The following GPC5 variants were observed in gnomAD, a reference collection of about 807,000 sequenced individuals.
GPC5 encodes the protein glypican-5.
A neutral mutation model predicts 53.9 loss-of-function variants in GPC5; 47 were observed. The ratio of observed to expected loss-of-function variants is 0.87; its 90% CI spans 0.69 to 1.11. GPC5 has a LOEUF of 1.11. GPC5 is among the 50% of genes most tolerant of loss of function. The probability of loss-of-function intolerance (pLI) is 0.00; values close to 1 mark genes in which losing one functional copy is unlikely to be tolerated. For synonymous variants in GPC5, 286 were observed against 263.3 expected (o/e 1.09, Z -0.84); for missense variants, 748 against 713.1 (o/e 1.05, Z -0.56).
chr13:92,386,432 A>G (rs9301802), intron 7 of GPC5, among the ~76,000 whole-genome samples: 8,935 of 152,146 alleles, frequency 0.059, 433 homozygotes, highest in African/African-American at 0.13. Flanking sequence ...CATGAGGTCT[A>G]ACTATAGGGT....
At chr13:91,926,545 C>G (rs1328798170) in intron 6 of GPC5, among the ~76,000 whole-genome samples, 1 of 152,020 alleles carries the variant, frequency 6.6e-6, no homozygotes, top group Non-Finnish European at 1.5e-5. Flanking sequence ...CTCAGTGCCC[C>G]CAGGTACTTG....
At chr13:91,995,967 A>T (rs899386727) in intron 6 of GPC5, 1 of 152,180 alleles carries the variant, frequency 6.6e-6, no homozygotes, top group African/African-American at 2.4e-5. Flanking sequence ...TTGCTCTTAG[A>T]CAAGTGCATT....
At chr13:92,275,764 A>G (rs139738591) in intron 7 of GPC5, among the ~76,000 whole-genome samples, 30 of 152,268 alleles carry the variant, frequency 2.0e-4, no homozygotes, top group African/African-American at 6.5e-4. Context: ...ATCCATCGTT[A>G]CCAAGGATAA....
intron 5 of GPC5, among the ~76,000 whole-genome samples, chr13:91,854,078 G>A (rs1490289254): frequency 6.6e-6 from 1 of 151,228 alleles, no homozygotes; most frequent in Non-Finnish European, 1.5e-5. Flanking sequence ...TTCATGGTTT[G>A]AGTCAAGAAT....
chr13:92,551,324 A>G (rs1594298191), intron 7 of GPC5, among the ~76,000 whole-genome samples: 1 of 151,774 alleles, frequency 6.6e-6, no homozygotes, highest in East Asian at 1.9e-4. Flanking sequence ...AGCGAAAATA[A>G]TTAAATAAAA....
At chr13:92,031,816 C>CATATTATATATAATATATAAT (rs2040850601) in intron 6 of GPC5, among the ~76,000 whole-genome samples, 2 of 83,810 alleles carry the variant, frequency 2.4e-5, no homozygotes, top group African/African-American at 1.0e-4. Context: ...TAATATATTA[C>CATATTATATATAATATATAAT]ATATTATATA....
chr13:92,626,404 G>A (rs542547376), intron 7 of GPC5, among the ~76,000 whole-genome samples: 5 of 152,142 alleles, frequency 3.3e-5, no homozygotes, highest in African/African-American at 4.8e-5. Context: ...CTAGAGGTGA[G>A]AGGGCAAGAG....
chr13:91,746,940 C>T (rs2037062821), intron 4 of GPC5, among the ~76,000 whole-genome samples: 1 of 152,098 alleles, frequency 6.6e-6, no homozygotes, highest in Non-Finnish European at 1.5e-5. Flanking sequence ...ATCTCTATAT[C>T]CTTCTCTATC....
chr13:91,435,485 T>C (rs1879863356), intron 1 of GPC5, among the ~76,000 whole-genome samples: 1 of 152,172 alleles, frequency 6.6e-6, no homozygotes. Flanking sequence ...TGCTGGATTA[T>C]GTTTATTGAT....
At chr13:91,501,805 T>C (rs941778516) in intron 2 of GPC5, among the ~76,000 whole-genome samples, 4 of 152,234 alleles carry the variant, frequency 2.6e-5, no homozygotes, top group East Asian at 3.9e-4. Flanking sequence ...GTTCTAGATC[T>C]CTGAGGAATC....
chr13:92,024,903 C>T (rs993492806), intron 6 of GPC5, among the ~76,000 whole-genome samples: 1 of 152,120 alleles, frequency 6.6e-6, no homozygotes, highest in Non-Finnish European at 1.5e-5. Flanking sequence ...CACAAAGCAG[C>T]TGCCAGTTTA....
At chr13:92,422,839 A>C (rs1409167992) in intron 7 of GPC5, among the ~76,000 whole-genome samples, 6 of 152,264 alleles carry the variant, frequency 3.9e-5, no homozygotes, top group African/African-American at 1.4e-4. Flanking sequence ...GCCACATGGC[A>C]ACAATATGAG....
intron 1 of GPC5, among the ~76,000 whole-genome samples, chr13:91,433,222 T>G (rs998647780): frequency 5.3e-4 from 80 of 152,162 alleles, no homozygotes; most frequent in African/African-American, 1.9e-3. Context: ...AATTATACTT[T>G]AAGTTTTAGG....
intron 6 of GPC5, among the ~76,000 whole-genome samples, chr13:92,087,916 T>C (rs2041348306): frequency 1.3e-5 from 2 of 151,936 alleles, no homozygotes; most frequent in Admixed American, 6.6e-5. Flanking sequence ...TTTGTTATGC[T>C]ATTCTCTAGC....
intron 5 of GPC5, among the ~76,000 whole-genome samples, chr13:91,795,652 T>C (rs949197552): frequency 2.6e-5 from 4 of 152,212 alleles, no homozygotes; most frequent in African/African-American, 9.6e-5. Context: ...ACCTTTATTT[T>C]CTGGCTTGCC....
At chr13:92,702,158 C>A (rs1339204313) in intron 7 of GPC5, among the ~76,000 whole-genome samples, 1 of 152,040 alleles carries the variant, frequency 6.6e-6, no homozygotes, top group Non-Finnish European at 1.5e-5. Context: ...ATATTCTGCC[C>A]TTTTATTTAA....
chr13:92,492,384 C>A (rs895868001), intron 7 of GPC5, among the ~76,000 whole-genome samples: 1 of 150,974 alleles, frequency 6.6e-6, no homozygotes, highest in African/African-American at 2.4e-5. Flanking sequence ...AGGAGATATA[C>A]CTAATGTAAA....
rs141167719 is a variant in GPC5, at chr13:91,963,518, C to T, written c.1401+55461C>T. On this transcript the variant is annotated intron_variant, in intron 6 of 7. Transcript: ENST00000377067. ...ATTTGTTTTGGAAGGCCTGAACAAC[C>T]TTGGTATCTATTGTTGGAAGTGTAG... Among the ~76,000 whole-genome samples the T allele has an allele frequency of 6.6e-3, 1,006 of 152,158 alleles. 5 individuals carry two copies. The highest frequency in any genetic ancestry group is 0.024 in the Middle Eastern group (7 of 294).
At chr13:92,193,846 C>T (rs964047143) in intron 7 of GPC5, among the ~76,000 whole-genome samples, 10 of 152,150 alleles carry the variant, frequency 6.6e-5, no homozygotes, top group African/African-American at 1.7e-4. Context: ...TTCTTTGTTC[C>T]CATTATACTC....
Sources: gnomAD v4.1 joint callset for allele counts (sites outside exome capture counted in the v4.1 genomes callset) on GRCh38, gnomAD v4.1.1 for gene constraint, MANE v1.5 for transcripts, NCBI Gene and HGNC (gene_info 2026-07-23, HGNC 2026-07-21) for gene names.